ATR: variants seen among roughly 807,000 people sequenced by gnomAD.
ATR encodes serine/threonine-protein kinase ATR.
A neutral mutation model predicts 305.3 loss-of-function variants in ATR; 142 were observed. The observed-to-expected ratio is 0.47, with a 90% confidence interval of 0.41 to 0.53. The LOEUF (loss-of-function observed/expected upper bound fraction) is 0.53. ATR is among the 20% of genes least tolerant of loss of function. The pLI, the probability that ATR is intolerant of heterozygous loss-of-function variation, is 0.00. For missense variants in ATR, 2,135 were observed against 3,133.1 expected (o/e 0.68, Z 7.60); for synonymous variants, 1,050 against 1,068.1 (o/e 0.98, Z 0.33).
chr3:142,533,374 T>G (rs1341813302), intron 21 of ATR, among the ~76,000 whole-genome samples: 1 of 152,180 alleles, frequency 6.6e-6, no homozygotes, highest in East Asian at 1.9e-4. Context: ...ATATTTCAAG[T>G]GCTCAAGAGA....
In ATR at chr3:142,467,863, G is replaced by GA. The variant is rs1297888718; in HGVS notation, c.6687+70dup. On this transcript the variant is annotated intron_variant, in intron 39 of 46. Transcript: ENST00000350721. ...AGAATTTTAATTTAATTAATCAAAT[G>GA]AAAAAATCTGCTCAAATTATATACA... The GA allele has an allele frequency of 1.7e-5, 26 of 1,548,546 alleles. No individual in the cohort carries two copies. In the Admixed American group the frequency reaches 2.7e-4, roughly 16 times the overall value.
At chr3:142,556,622 T>A in intron 8 of ATR, 47 bp from the exon 9 acceptor site, 14 of 1,549,714 alleles carry the variant, frequency 9.0e-6, no homozygotes, top group Non-Finnish European at 1.2e-5. Flanking sequence ...AATGTTAATT[T>A]TATGTATACA....
rs756012253 is a variant in ATR at position 142,553,377 on chromosome 3, T to C, written c.2655A>G (p.Val885=). 4 of 1,613,778 alleles carry C rather than the reference T, an allele frequency of 2.5e-6. No individual in the cohort carries two copies. Among genetic ancestry groups the C allele is most frequent in the Non-Finnish European group, 3.4e-6 (4 of 1,179,924 alleles). Residue 885 remains valine, a synonymous_variant, in exon 13 of 47, where the codon GTA becomes GTG. Transcript: ENST00000350721. ...GCAATAAGTGTAAGAGTGCAAATGG[T>C]ACCAAATCTCCTTTTGCGGCCCTAA... ...DIGRAAKGDL[V]PFALLHLLHC...
intron 46 of ATR, chr3:142,451,533 C>A: frequency 7.2e-7 from 1 of 1,386,234 alleles, no homozygotes. Context: ...AACACCAACA[C>A]CTATATCCAG....
intron 45 of ATR, among the ~76,000 whole-genome samples, chr3:142,455,023 G>C (rs911250892): frequency 2.6e-5 from 4 of 152,092 alleles, no homozygotes; most frequent in African/African-American, 7.2e-5. Context: ...AAAATCTTAA[G>C]GAAGGCACAA....
chr3:142,505,326 A>C (rs1401132801), intron 28 of ATR, 23 bp from the exon 29 acceptor site: 1 of 1,611,324 alleles, frequency 6.2e-7, no homozygotes. Flanking sequence ...ATTAAAAAAC[A>C]ATCAAAAACA....
chr3:142,545,569 T>G (rs997494468), intron 16 of ATR, among the ~76,000 whole-genome samples: 7 of 152,130 alleles, frequency 4.6e-5, no homozygotes, highest in African/African-American at 1.7e-4. Flanking sequence ...TGAAGGAATT[T>G]AATCAGGGGA....
At chr3:142,533,116 T>C (rs946918517) in intron 21 of ATR, among the ~76,000 whole-genome samples, 5 of 151,608 alleles carry the variant, frequency 3.3e-5, no homozygotes, top group Admixed American at 1.3e-4. Flanking sequence ...CTGGGCAACA[T>C]AGCAAGACCC....
chr3:142,540,050 A>G (rs1401686618), intron 18 of ATR, among the ~76,000 whole-genome samples: 2 of 152,180 alleles, frequency 1.3e-5, no homozygotes, highest in African/African-American at 4.8e-5. Context: ...AGCCTCACCT[A>G]TGAGGTATGT....
rs545968928 is a variant in ATR, at chr3:142,522,071, C to T, written c.4266+657G>A. Among the ~76,000 whole-genome samples, 54 of 152,250 alleles carry T rather than the reference C, an allele frequency of 3.5e-4. 1 individual carries two copies. In the South Asian group the frequency reaches 0.011, roughly 30 times the overall value. ...TTTTTAAGAAATTGCCACAGCCATT[C>T]CAACCTTCAGCAACCACCACGGTAA... On this transcript the variant is annotated intron_variant, in intron 23 of 46. Coordinates refer to ENST00000350721, the MANE Select transcript of ATR (RefSeq NM_001184.4).
chr3:142,468,131 T>G (rs746883041), intron 38 of ATR, 63 bp from the exon 39 acceptor site: 22 of 1,576,668 alleles, frequency 1.4e-5, no homozygotes, highest in Non-Finnish European at 1.9e-5. Flanking sequence ...AAAAGATAAA[T>G]TTTTTGCTTG....
Position 142,467,826 on chromosome 3 carries a change from A to G in ATR, c.6687+108T>C, listed in dbSNP as rs924821194. Reference sequence around the variant, plus strand: ...AAAATATACATTTTGATATATGTGTACACCTATAGTTAGAATTTTAATTTA... The same window carrying G: ...AAAATATACATTTTGATATATGTGTGCACCTATAGTTAGAATTTTAATTTA... On this transcript the variant is annotated intron_variant, in intron 39 of 46. Transcript: ENST00000350721. 3.1e-6 allele frequency: 4 copies of G among 1,304,356 alleles called. No individual in the cohort carries two copies. In the African/African-American group the frequency reaches 6.0e-5, roughly 20 times the overall value. 80.8% of individuals were successfully genotyped at this position (1,304,356 alleles called of 1,614,324 possible).
chr3:142,576,578 G>A (rs1342399562), intron 1 of ATR, among the ~76,000 whole-genome samples: 2 of 152,124 alleles, frequency 1.3e-5, no homozygotes, highest in East Asian at 1.9e-4. Flanking sequence ...ATGAATAAGA[G>A]AAAAATAATT....
chr3:142,552,088 T>C (rs1483550666), intron 13 of ATR, among the ~76,000 whole-genome samples: 3 of 143,024 alleles, frequency 2.1e-5, no homozygotes, highest in African/African-American at 8.2e-5. Flanking sequence ...AAAACTACAA[T>C]GAGATACCAT....
At chr3:142,515,832 T>C (rs562677106) in intron 24 of ATR, among the ~76,000 whole-genome samples, 28 of 152,216 alleles carry the variant, frequency 1.8e-4, no homozygotes, top group Non-Finnish European at 1.3e-4. Flanking sequence ...TGGGTAACTA[T>C]GCAACACACT....
chr3:142,463,018 A>G (rs1470704567), intron 41 of ATR, among the ~76,000 whole-genome samples: 1 of 152,188 alleles, frequency 6.6e-6, no homozygotes, highest in African/African-American at 2.4e-5. Context: ...CAAAAGCACA[A>G]TCACTGATCA....
At chr3:142,476,726 G>C (rs2071465005) in intron 36 of ATR, among the ~76,000 whole-genome samples, 1 of 152,174 alleles carries the variant, frequency 6.6e-6, no homozygotes, top group Non-Finnish European at 1.5e-5. Context: ...CTATCCATGA[G>C]CATGGAATGT....
chr3:142,570,079 T>C (rs2035213558), intron 1 of ATR, among the ~76,000 whole-genome samples: 2 of 152,262 alleles, frequency 1.3e-5, no homozygotes, highest in African/African-American at 2.4e-5. Flanking sequence ...ATATCTTCTT[T>C]GGAGAAATGT....
At chr3:142,468,459 C>A (rs1024527042) in intron 38 of ATR, among the ~76,000 whole-genome samples, 41 of 151,636 alleles carry the variant, frequency 2.7e-4, no homozygotes, top group African/African-American at 9.7e-4. Flanking sequence ...AACATGGAAA[C>A]AATAAAGTGA....
Sources: allele counts gnomAD v4.1 joint callset (sites outside exome capture counted in the v4.1 genomes callset), GRCh38; gene constraint gnomAD v4.1.1; transcripts MANE v1.5; gene names NCBI Gene and HGNC (gene_info 2026-07-23, HGNC 2026-07-21).